MTUS2: variants seen among roughly 807,000 people sequenced by gnomAD.
MTUS2 encodes microtubule associated scaffold protein 2.
MTUS2 carries 40 observed loss-of-function variants against 114.1 expected under a neutral mutation model. The ratio of observed to expected loss-of-function variants is 0.35; its 90% confidence interval spans 0.27 to 0.46. The LOEUF (loss-of-function observed/expected upper bound fraction) is 0.46. Among genes scored for constraint, MTUS2 ranks in the 20% least tolerant of loss-of-function variants. MTUS2 has a pLI of 1.00. For synonymous variants in MTUS2, 688 were observed against 672.0 expected, an observed-to-expected ratio of 1.02 and a Z score of -0.37; for missense variants, 1,679 against 1,705.4, an observed-to-expected ratio of 0.98 and a Z score of 0.27.
chr13:28,954,828 G>C (rs1193445500), intron 2 of MTUS2, among the ~76,000 whole-genome samples: 1 of 152,172 alleles, frequency 6.6e-6, no homozygotes, highest in East Asian at 1.9e-4. Context: ...TACGTATAGG[G>C]CTGAGTTTGT....
chr13:28,944,151 T>A (rs1882392007), intron 2 of MTUS2, among the ~76,000 whole-genome samples: 1 of 151,994 alleles, frequency 6.6e-6, no homozygotes, highest in African/African-American at 2.4e-5. Flanking sequence ...TTTGATACAA[T>A]TTGATACATT....
intron 6 of MTUS2, among the ~76,000 whole-genome samples, chr13:29,284,778 A>T (rs141534295): frequency 6.6e-6 from 1 of 152,206 alleles, no homozygotes. Flanking sequence ...TAGGGGTATT[A>T]TAGGATAAAG....
At chr13:28,864,556 T>C (rs1477939675) in intron 2 of MTUS2, among the ~76,000 whole-genome samples, 2 of 152,162 alleles carry the variant, frequency 1.3e-5, no homozygotes, top group African/African-American at 4.8e-5. Context: ...AGACCATGAA[T>C]TTAAAAACCC....
intron 9 of MTUS2, among the ~76,000 whole-genome samples, chr13:29,446,059 C>A (rs904902270): frequency 6.6e-6 from 1 of 152,104 alleles, no homozygotes; most frequent in African/African-American, 2.4e-5. Flanking sequence ...CAAACAGGGA[C>A]CCTACCCTAA....
rs1439900451 is a variant in MTUS2 at position 29,504,894 on chromosome 13, C to G, written c.*1688C>G. ...GAAGAAAACAGCCCGCGGACGGGGT[C>G]GGCTTGTCCAGGGCACGCCTGCTCG... On this transcript the variant is annotated 3_prime_UTR_variant, in exon 16 of 16. Transcript: ENST00000612955. The G allele has an allele frequency of 4.3e-6, 1 of 232,370 alleles. No homozygotes were observed. The highest frequency in any genetic ancestry group is 2.2e-5 in the African/African-American group (1 of 45,268). 14.4% of individuals were successfully genotyped at this position (232,370 alleles called of 1,614,324 possible). A position where few individuals can be genotyped will look rare whatever the true frequency, so the allele number is the denominator to read the frequency against.
chr13:28,828,075 C>T (rs1194115224), intron 1 of MTUS2, among the ~76,000 whole-genome samples: 2 of 152,140 alleles, frequency 1.3e-5, no homozygotes, highest in African/African-American at 4.8e-5. Flanking sequence ...CACCGCTTAT[C>T]CACAACCGTA....
intron 12 of MTUS2, among the ~76,000 whole-genome samples, chr13:29,494,553 A>G (rs180904973): frequency 1.3e-5 from 2 of 152,002 alleles, no homozygotes; most frequent in Admixed American, 6.5e-5. Flanking sequence ...GGTTTGGTGT[A>G]GGAGCCATGG....
intron 9 of MTUS2, among the ~76,000 whole-genome samples, chr13:29,444,819 G>C (rs61139396): frequency 6.6e-6 from 1 of 152,138 alleles, no homozygotes; most frequent in Non-Finnish European, 1.5e-5. Context: ...AATTGTACCT[G>C]TTTGGAAATT....
intron 5 of MTUS2, among the ~76,000 whole-genome samples, chr13:29,201,862 C>A (rs1040006831): frequency 3.3e-5 from 5 of 152,136 alleles, no homozygotes; most frequent in African/African-American, 7.2e-5. Flanking sequence ...ATGGTTTCTG[C>A]GGAGAGATCT....
At chr13:28,975,683 A>G (rs1475049566) in intron 2 of MTUS2, among the ~76,000 whole-genome samples, 2 of 152,220 alleles carry the variant, frequency 1.3e-5, no homozygotes, top group Non-Finnish European at 2.9e-5. Context: ...ATTTTATCTC[A>G]TTTAATCTTT....
intron 1 of MTUS2, among the ~76,000 whole-genome samples, chr13:28,837,068 C>A (rs1285029708): frequency 6.6e-6 from 1 of 152,112 alleles, no homozygotes; most frequent in Admixed American, 6.5e-5. Context: ...ACCTGATGGT[C>A]CAGCTCAGAC....
chr13:29,183,779 T>C (rs1015998215), intron 5 of MTUS2, among the ~76,000 whole-genome samples: 2 of 152,208 alleles, frequency 1.3e-5, no homozygotes, highest in Admixed American at 1.3e-4. Flanking sequence ...TTGGATCAAA[T>C]AAGGTTGATA....
intron 4 of MTUS2, among the ~76,000 whole-genome samples, chr13:29,078,552 T>C (rs766741548): frequency 1.4e-4 from 21 of 152,366 alleles, no homozygotes; most frequent in Non-Finnish European, 2.6e-4. Flanking sequence ...GTTTTTAGTA[T>C]ATTCACAGAA....
intron 2 of MTUS2, among the ~76,000 whole-genome samples, chr13:28,890,572 A>G (rs184757112): frequency 1.3e-5 from 2 of 152,360 alleles, no homozygotes; most frequent in African/African-American, 2.4e-5. Context: ...AGTGCCTAGC[A>G]CATAGTAAGT....
chr13:29,433,079 A>G (rs367549360), intron 8 of MTUS2, among the ~76,000 whole-genome samples: 132 of 152,320 alleles, frequency 8.7e-4, no homozygotes, highest in Middle Eastern at 3.4e-3. Context: ...ATTTCCCAGC[A>G]TGACTTCTTT....
intron 5 of MTUS2, among the ~76,000 whole-genome samples, chr13:29,219,279 A>G (rs370721357): frequency 6.4e-4 from 96 of 149,426 alleles, no homozygotes; most frequent in African/African-American, 2.2e-3. Flanking sequence ...AATTTCATCC[A>G]TGTCCCTACA....
At chr13:29,181,728 C>T (rs543884933) in intron 5 of MTUS2, among the ~76,000 whole-genome samples, 3 of 151,470 alleles carry the variant, frequency 2.0e-5, no homozygotes, top group Non-Finnish European at 4.4e-5. Flanking sequence ...TTTTAAAAGG[C>T]ATTTTGAAAT....
chr13:29,286,684 ATCTATC>A (rs1898503734), intron 6 of MTUS2, among the ~76,000 whole-genome samples: 1 of 146,796 alleles, frequency 6.8e-6, no homozygotes, highest in African/African-American at 2.7e-5. Flanking sequence ...CTATCTATCT[ATCTATC>A]TATCTATCTT....
At chr13:29,193,256 G>A (rs1053186270) in intron 5 of MTUS2, among the ~76,000 whole-genome samples, 3 of 152,054 alleles carry the variant, frequency 2.0e-5, no homozygotes, top group Admixed American at 6.6e-5. Flanking sequence ...CAGTTAGGGA[G>A]GACTCGAAAG....
Sources: gnomAD v4.1 joint callset for allele counts (sites outside exome capture counted in the v4.1 genomes callset) on GRCh38, gnomAD v4.1.1 for gene constraint, MANE v1.5 for transcripts, NCBI Gene and HGNC (gene_info 2026-07-23, HGNC 2026-07-21) for gene names.